The following UGT1A9 variants were observed in gnomAD, a reference collection of about 807,000 sequenced individuals.
The protein encoded by UGT1A9 is UDP-glucuronosyltransferase 1A9.
UGT1A9 carries 35 observed loss-of-function variants against 45.0 expected under a neutral mutation model. The observed-to-expected ratio is 0.78, with a 90% CI of 0.59 to 1.03. UGT1A9 has a LOEUF of 1.03. Among genes scored for constraint, UGT1A9 ranks in the 50% least tolerant of loss-of-function variants. The pLI, the probability that UGT1A9 is intolerant of heterozygous loss-of-function variation, is 0.00. For missense variants in UGT1A9, 687 were observed against 666.6 expected (o/e 1.03, Z -0.34); for synonymous variants, 278 against 250.6 (o/e 1.11, Z -1.03).
At position 233,773,153 on chromosome 2, in the gene UGT1A9, T is replaced by C. The variant is rs2126068054; in HGVS notation, c.*594T>C. 6.5e-6 allele frequency: 1 copy of C among 154,246 alleles called. No individual in the cohort carries two copies. The highest frequency in any genetic ancestry group is 3.4e-3 in the Middle Eastern group (1 of 294). 9.6% of individuals were successfully genotyped at this position (154,246 alleles called of 1,614,324 possible). A position where few individuals can be genotyped will look rare whatever the true frequency, so the allele number is the denominator to read the frequency against. On this transcript the variant is annotated 3_prime_UTR_variant, in exon 5 of 5. Coordinates refer to ENST00000354728, the MANE Select transcript of UGT1A9 (RefSeq NM_021027.3). ...ATGATGCTATGAAATTGGTGGGTGG[T>C]GTATTTGAGAAGATAATCATTGCTT...
chr2:233,727,845 A>G (rs1384515485), intron 1 of UGT1A9, among the ~76,000 whole-genome samples: 1 of 152,084 alleles, frequency 6.6e-6, no homozygotes, highest in East Asian at 1.9e-4. Context: ...ATGTGGAGTA[A>G]TTTCCTCCCT....
At chr2:233,767,675 CA>C (rs1699446425) in intron 2 of UGT1A9, among the ~76,000 whole-genome samples, 173 bp from the exon 3 acceptor site, 1 of 152,180 alleles carries the variant, frequency 6.6e-6, no homozygotes, top group Non-Finnish European at 1.5e-5. Flanking sequence ...ACTAAACCTC[CA>C]AAACAAGATG....
At chr2:233,682,427 C>T in intron 1 of UGT1A9, 2 of 1,613,826 alleles carry the variant, frequency 1.2e-6, no homozygotes, top group Non-Finnish European at 1.7e-6. Flanking sequence ...TTTCTCCCTC[C>T]CCTCTGTGGT....
At chr2:233,770,376 A>T (rs1000336049) in intron 4 of UGT1A9, 3 of 152,228 alleles carry the variant, frequency 2.0e-5, no homozygotes, top group African/African-American at 4.8e-5. Flanking sequence ...AGTTCTGGCC[A>T]GGTACGGTGG....
intron 1 of UGT1A9, among the ~76,000 whole-genome samples, chr2:233,730,472 G>T (rs2078038182): frequency 6.6e-6 from 1 of 152,162 alleles, no homozygotes; most frequent in South Asian, 2.1e-4. Context: ...GGAGACCTAG[G>T]CACTCACATG....
At chr2:233,710,658 C>G (rs2076141376) in intron 1 of UGT1A9, among the ~76,000 whole-genome samples, 1 of 152,126 alleles carries the variant, frequency 6.6e-6, no homozygotes, top group African/African-American at 2.4e-5. Context: ...GATACAAGTG[C>G]TATGTCAGAT....
At position 233,672,669 on chromosome 2, in the gene UGT1A9, C is replaced by T. The variant is rs1220377929; in HGVS notation, c.735C>T (p.Tyr245=). Residue 245 remains tyrosine, a synonymous_variant, in exon 1 of 5, where the codon TAC becomes TAT. Transcript: ENST00000354728. ...CACCTGTTACGGAGTATGATCTCTA[C>T]AGCCACACATCAATTTGGTTGTTGC... ...LQTPVTEYDL[Y]SHTSIWLLRT... 2.5e-6 allele frequency: 4 copies of T among 1,613,928 alleles called. No individual in the cohort carries two copies. Among genetic ancestry groups the T allele is most frequent in the South Asian group, 1.1e-5 (1 of 91,076 alleles).
rs573018562 is a variant in UGT1A9 at position 233,765,032 on chromosome 2, G to A, written c.856-2002G>A. On this transcript the variant is annotated intron_variant, in intron 1 of 4. Transcript: ENST00000354728. Reference sequence around the variant, plus strand: ...AATCAGGCTTGGCAGGAGTCCTGCTGTGCAAATTGCGTTTGCTGAGCCCTG... The same window carrying A: ...AATCAGGCTTGGCAGGAGTCCTGCTATGCAAATTGCGTTTGCTGAGCCCTG... 2.6e-5 allele frequency among the ~76,000 whole-genome samples: 4 copies of A among 152,152 alleles called. No homozygotes were observed. In the East Asian group the frequency reaches 7.7e-4, roughly 29 times the overall value.
intron 1 of UGT1A9, among the ~76,000 whole-genome samples, chr2:233,695,215 T>C (rs2075273192): frequency 6.7e-6 from 1 of 148,732 alleles, no homozygotes; most frequent in Non-Finnish European, 1.5e-5. Flanking sequence ...AACCTCCACC[T>C]CCTGGGTTCA....
chr2:233,693,220 C>T (rs781113205), intron 1 of UGT1A9: 1 of 1,614,172 alleles, frequency 6.2e-7, no homozygotes, highest in South Asian at 1.1e-5. Flanking sequence ...AATCCAAATA[C>T]TACACAAGAA....
intron 1 of UGT1A9, among the ~76,000 whole-genome samples, chr2:233,674,262 A>G (rs894240612): frequency 2.6e-5 from 4 of 152,218 alleles, no homozygotes; most frequent in Non-Finnish European, 5.9e-5. Context: ...AAGCAGGAGG[A>G]CTACAGTTGT....
At chr2:233,761,629 C>A (rs1415462603) in intron 1 of UGT1A9, among the ~76,000 whole-genome samples, 1 of 152,252 alleles carries the variant, frequency 6.6e-6, no homozygotes, top group Admixed American at 6.5e-5. Flanking sequence ...GAAGCTAAAT[C>A]CTGCAGTCCG....
chr2:233,772,588 T>C lies in UGT1A9; in HGVS notation c.*29T>C, dbSNP rs945548426. The stretch of plus-strand genomic sequence containing the variant: ...GTGGGTGGGAAATAAGGTAAAATTT[T>C]GAACCATTCCCTAGTCATTTCCAAA... On this transcript the variant is annotated 3_prime_UTR_variant, in exon 5 of 5. Transcript: ENST00000354728. The C allele has an allele frequency of 1.1e-5, 18 of 1,603,922 alleles. No individual in the cohort carries two copies. In the African/African-American group the frequency reaches 1.7e-4, roughly 16 times the overall value.
chr2:233,698,141 G>C (rs12466747), intron 1 of UGT1A9, among the ~76,000 whole-genome samples: 27,033 of 152,174 alleles, frequency 0.18, 2,695 homozygotes, highest in Non-Finnish European at 0.23. Flanking sequence ...TGTCTCAACT[G>C]TATTCCCAGC....
chr2:233,686,156 A>G (rs2074775792), intron 1 of UGT1A9, among the ~76,000 whole-genome samples: 1 of 152,322 alleles, frequency 6.6e-6, no homozygotes, highest in East Asian at 1.9e-4. Context: ...GAAATGGATC[A>G]AAGACCTAAA....
At chr2:233,717,386 C>T (rs759361216) in intron 1 of UGT1A9, among the ~76,000 whole-genome samples, 3 of 152,252 alleles carry the variant, frequency 2.0e-5, no homozygotes, top group African/African-American at 7.2e-5. Context: ...GACCTGCCCT[C>T]TCTGTGCCAT....
chr2:233,751,768 A>C lies in UGT1A9; in HGVS notation c.856-15266A>C, dbSNP rs142654727. Among the ~76,000 whole-genome samples, 1,484 of 152,208 alleles carry C rather than the reference A, an allele frequency of 9.7e-3. 20 individuals carry two copies. The highest frequency in any genetic ancestry group is 0.034 in the African/African-American group (1,414 of 41,516). On this transcript the variant is annotated intron_variant, in intron 1 of 4. Coordinates refer to ENST00000354728, the MANE Select transcript of UGT1A9 (RefSeq NM_021027.3). ...CTTGCTTGCTGCCATGTGAGACATGACTTTGCTTATCTCTCACCTTCTGTC... is the reference window on the plus strand; with the variant it reads ...CTTGCTTGCTGCCATGTGAGACATGCCTTTGCTTATCTCTCACCTTCTGTC...
chr2:233,740,858 A>G (rs1691488527), intron 1 of UGT1A9: 1 of 151,872 alleles, frequency 6.6e-6, no homozygotes, highest in Non-Finnish European at 1.5e-5. Flanking sequence ...CAATTCTAAA[A>G]ATTCTTTAAA....
At chr2:233,730,386 T>A (rs1243886406) in intron 1 of UGT1A9, among the ~76,000 whole-genome samples, 1 of 152,190 alleles carries the variant, frequency 6.6e-6, no homozygotes, top group East Asian at 1.9e-4. Flanking sequence ...GGAAAGATGA[T>A]GCAACAGTAA....
Sources: gnomAD v4.1 joint callset for allele counts (sites outside exome capture counted in the v4.1 genomes callset) on GRCh38, gnomAD v4.1.1 for gene constraint, MANE v1.5 for transcripts, NCBI Gene and HGNC (gene_info 2026-07-23, HGNC 2026-07-21) for gene names.